The following NUFIP1 variants were observed in gnomAD, a reference collection of about 807,000 sequenced individuals.
NUFIP1 encodes FMR1-interacting protein NUFIP1.
A neutral mutation model predicts 56.2 loss-of-function variants in NUFIP1; 38 were observed. The observed-to-expected ratio is 0.68, with a 90% CI of 0.52 to 0.89. The LOEUF (loss-of-function observed/expected upper bound fraction) is 0.89, where lower values mean the gene tolerates loss of function less well. Among genes scored for constraint, NUFIP1 ranks in the 40% least tolerant of loss-of-function variants. The pLI, the probability that NUFIP1 is intolerant of heterozygous loss-of-function variation, is 0.00. For synonymous variants in NUFIP1, 215 were observed against 212.4 expected (o/e 1.01, Z -0.10); for missense variants, 567 against 605.8 (o/e 0.94, Z 0.67).
intron 6 of NUFIP1, among the ~76,000 whole-genome samples, chr13:44,963,745 C>G (rs938002293): frequency 1.3e-5 from 2 of 152,028 alleles, no homozygotes; most frequent in Admixed American, 1.3e-4. Flanking sequence ...TACATATTGC[C>G]AGATTTGATT....
chr13:44,953,325 C>T (rs1258542090), intron 7 of NUFIP1, among the ~76,000 whole-genome samples: 1 of 152,112 alleles, frequency 6.6e-6, no homozygotes, highest in East Asian at 1.9e-4. Context: ...AATATTGTTT[C>T]ATTTTAACGT....
intron 7 of NUFIP1, among the ~76,000 whole-genome samples, chr13:44,951,572 T>C (rs1871084732): frequency 6.6e-6 from 1 of 152,204 alleles, no homozygotes; most frequent in African/African-American, 2.4e-5. Flanking sequence ...GCTAATAATG[T>C]CTCCCAGCTA....
chr13:44,949,402 C>T lies in NUFIP1; in HGVS notation c.1138+320G>A, dbSNP rs376412670. ...ATTTTTAGTAGAGACGGGGTTTCACCGTTTTAGCCGGGATGGTCTCGATCT... is the reference window on the plus strand; with the variant it reads ...ATTTTTAGTAGAGACGGGGTTTCACTGTTTTAGCCGGGATGGTCTCGATCT... On this transcript the variant is annotated intron_variant, in intron 8 of 9. Coordinates refer to ENST00000379161, the MANE Select transcript of NUFIP1 (RefSeq NM_012345.3). 7.9e-3 allele frequency among the ~76,000 whole-genome samples: 1,201 copies of T among 151,402 alleles called. 9 individuals are homozygous for T. Among genetic ancestry groups the T allele is most frequent in the Non-Finnish European group, 0.014 (922 of 67,790 alleles).
chr13:44,989,145 G>C lies in NUFIP1; in HGVS notation c.292C>G (p.Pro98Ala), dbSNP rs763078914. The C allele has an allele frequency of 5.0e-6, 8 of 1,614,072 alleles. No individual in the cohort carries two copies. The highest frequency in any genetic ancestry group is 6.8e-6 in the Non-Finnish European group (8 of 1,179,968). Residue 98 changes from proline (P) to alanine (A), a missense_variant, in exon 1 of 10, where the codon CCC (proline) becomes GCC (alanine). Pro to Ala is a conservative substitution (Grantham distance 27, BLOSUM62 -1). Transcript: ENST00000379161. The stretch of plus-strand genomic sequence containing the variant: ...CTGGGTTGAGGCTGAGAATCAAGGG[G>C]AGACTGGGCGTCGAAGGGGGGTTGC... The part of the protein sequence containing the change: ...GAQPPFDAQS[P>A]LDSQPQPSGQ...
At chr13:44,957,723 C>T (rs1234514131) in intron 7 of NUFIP1, among the ~76,000 whole-genome samples, 1 of 151,458 alleles carries the variant, frequency 6.6e-6, no homozygotes, top group Non-Finnish European at 1.5e-5. Context: ...AAAGGGAAAA[C>T]AGAATTAACC....
rs189825866 is a variant in NUFIP1 at position 44,967,377 on chromosome 13, G to A, written c.735-1441C>T. Among the ~76,000 whole-genome samples, 78 of 151,950 alleles carry A rather than the reference G, an allele frequency of 5.1e-4. 1 individual carries two copies. The East Asian group carries it at 0.012, about 23-fold the overall frequency. ...AAAAAAATTAGCTGGGCATGGTGGC[G>A]GATGCCTGTAATCCCAGCTACTCAG... On this transcript the variant is annotated intron_variant, in intron 5 of 9. Transcript: ENST00000379161.
At chr13:44,967,464 C>G (rs904458065) in intron 5 of NUFIP1, among the ~76,000 whole-genome samples, 1 of 151,636 alleles carries the variant, frequency 6.6e-6, no homozygotes, top group Admixed American at 6.6e-5. Context: ...GCTGAGATCA[C>G]GCCACTGCAC....
chr13:44,980,854 G>T, intron 2 of NUFIP1, 34 bp from the exon 3 acceptor site: 4 of 1,394,612 alleles, frequency 2.9e-6, no homozygotes, highest in South Asian at 1.3e-5. Context: ...TTAGGCTTTT[G>T]GTGAAAAATC....
Position 44,989,252 on chromosome 13 carries a change from G to A in NUFIP1, c.185C>T (p.Ser62Phe), listed in dbSNP as rs997777048. 1.2e-6 allele frequency: 2 copies of A among 1,613,212 alleles called. No individual in the cohort carries two copies. The highest frequency in any genetic ancestry group is 2.7e-5 in the African/African-American group (2 of 74,926). The change falls in exon 1 of 10, where the codon TCC becomes TTC. Residue 62 changes from serine to phenylalanine, a missense_variant. By Grantham distance (155) the Ser-to-Phe change is radical. Transcript: ENST00000379161. ...SSLPAAGSKP[S>F]SESQPPMEAQ... ...CTCCATGGGGGGCTGCGACTCAGAGGAAGGCTTTGACCCGGCTGCGGGAAG... is the reference window on the plus strand; with the variant it reads ...CTCCATGGGGGGCTGCGACTCAGAGAAAGGCTTTGACCCGGCTGCGGGAAG...
chr13:44,943,499 A>G lies in NUFIP1; in HGVS notation c.1314T>C (p.Tyr438=). The change falls in exon 9 of 10, where the codon TAT becomes TAC. Residue 438 remains tyrosine, a synonymous_variant. Coordinates refer to ENST00000379161, the MANE Select transcript of NUFIP1 (RefSeq NM_012345.3). ...EKTNPKRKKD[Y]HNYQTLFEPR... is the part of the protein sequence containing the mutation. ...GTTCGAATAACGTTTGATAGTTGTG[A>G]TAATCTTTTTTCCTCTTAGGGTTTG... The G allele has an allele frequency of 1.9e-6, 3 of 1,614,132 alleles. No homozygotes were observed. Among genetic ancestry groups the G allele is most frequent in the Non-Finnish European group, 1.7e-6 (2 of 1,180,004 alleles).
At position 44,940,889 on chromosome 13, in the gene NUFIP1, C is replaced by G. The variant is rs756286174; in HGVS notation, c.*317G>C. 7.1e-4 allele frequency: 127 copies of G among 179,566 alleles called. No individual in the cohort carries two copies. The highest frequency in any genetic ancestry group is 3.5e-4 in the Non-Finnish European group (30 of 86,552). The allele number at this position is 179,566 out of a possible 1,614,324, so 11.1% of individuals were successfully genotyped here. A position where few individuals can be genotyped will look rare whatever the true frequency, so the allele number is the denominator to read the frequency against. On this transcript the variant is annotated 3_prime_UTR_variant, in exon 10 of 10. Transcript: ENST00000379161. ...AAAGCTTTCTTCTTTACTGCTAAAC[C>G]TATCTTCAATTCTTAACTAACACAA...
intron 5 of NUFIP1, among the ~76,000 whole-genome samples, chr13:44,978,580 G>A (rs1872069777): frequency 1.3e-5 from 2 of 152,182 alleles, no homozygotes; most frequent in Non-Finnish European, 2.9e-5. Flanking sequence ...TCCTTAGTAA[G>A]TGTAAAACCA....
Position 44,970,426 on chromosome 13 carries a change from G to A in NUFIP1, c.735-4490C>T, listed in dbSNP as rs80335336. ...CTTTAAGCTTTAAAATTCTTACTCT[G>A]TGAAATCTTTCACAAGCTTTTCCTA... On this transcript the variant is annotated intron_variant, in intron 5 of 9. Transcript: ENST00000379161. Among the ~76,000 whole-genome samples the A allele has an allele frequency of 8.5e-3, 1,288 of 152,274 alleles. 115 individuals are homozygous for A. In the East Asian group the frequency reaches 0.19, roughly 23 times the overall value.
intron 5 of NUFIP1, among the ~76,000 whole-genome samples, chr13:44,967,090 A>G (rs1473827826): frequency 6.6e-6 from 1 of 152,140 alleles, no homozygotes; most frequent in African/African-American, 2.4e-5. Flanking sequence ...AAGAGGGTAT[A>G]AAGACTGGGG....
chr13:44,942,575 A>G (rs1870776801), intron 9 of NUFIP1, among the ~76,000 whole-genome samples: 1 of 152,178 alleles, frequency 6.6e-6, no homozygotes, highest in South Asian at 2.1e-4. Context: ...GTCAAAACCA[A>G]ACAGACTTTT....
chr13:44,976,638 A>C (rs1175101632), intron 5 of NUFIP1, among the ~76,000 whole-genome samples: 1 of 152,224 alleles, frequency 6.6e-6, no homozygotes, highest in Non-Finnish European at 1.5e-5. Context: ...AAGGAACTTC[A>C]GATACCGTGC....
chr13:44,947,320 C>A (rs182191672), intron 8 of NUFIP1, among the ~76,000 whole-genome samples: 16 of 148,688 alleles, frequency 1.1e-4, no homozygotes, highest in African/African-American at 3.2e-4. Context: ...CTCACTGCAA[C>A]CTCCACCTTC....
intron 7 of NUFIP1, among the ~76,000 whole-genome samples, chr13:44,956,141 CA>C (rs371458350): frequency 0.13 from 7,908 of 61,510 alleles, 112 homozygotes; most frequent in Non-Finnish European, 0.17. Flanking sequence ...GACTCCGTCT[CA>C]AAAAAAAAAA....
chr13:44,963,083 C>CA (rs1393752638), intron 6 of NUFIP1, among the ~76,000 whole-genome samples: 17 of 149,618 alleles, frequency 1.1e-4, no homozygotes, highest in East Asian at 3.9e-4. Flanking sequence ...CCTCCTCCAC[C>CA]AAAAAAAACA....
Sources: gnomAD v4.1 joint callset for allele counts (sites outside exome capture counted in the v4.1 genomes callset) on GRCh38, gnomAD v4.1.1 for gene constraint, MANE v1.5 for transcripts, NCBI Gene and HGNC (gene_info 2026-07-23, HGNC 2026-07-21) for gene names.